Variants in LRP4 observed in about 807,000 individuals in gnomAD.
LRP4 encodes LDL receptor related protein 4, also known as low-density lipoprotein receptor-related protein 4.
Under a neutral mutation model 220.3 loss-of-function variants are expected in LRP4, and 95 were observed. The observed-to-expected ratio is 0.43, with a 90% confidence interval of 0.37 to 0.51. LRP4 has a LOEUF of 0.51. LRP4 is among the 20% of genes least tolerant of loss of function. The pLI is 0.00. For synonymous variants in LRP4, 903 were observed against 954.6 expected (o/e 0.95, Z 1.00); for missense variants, 1,925 against 2,567.0 (o/e 0.75, Z 5.40).
Position 46,862,108 on chromosome 11 carries a change from C to T in LRP4, c.5385+498G>A, listed in dbSNP as rs532300999. On this transcript the variant is annotated intron_variant, in intron 37 of 37. Transcript: ENST00000378623. ...AAAAAAAAAGCAAAAGCAGGTAAAC[C>T]TTCAGAATTCTAGAGAAATTTTTGT... Among the ~76,000 whole-genome samples the T allele has an allele frequency of 4.0e-5, 6 of 148,698 alleles. No homozygotes were observed. The South Asian group carries it at 1.3e-3, about 32-fold the overall frequency.
At chr11:46,888,781 C>T (rs1941356900) in intron 16 of LRP4, among the ~76,000 whole-genome samples, 1 of 152,120 alleles carries the variant, frequency 6.6e-6, no homozygotes, top group Non-Finnish European at 1.5e-5. Context: ...ACCCCAGGTG[C>T]CCTGCTGGTC....
intron 30 of LRP4, among the ~76,000 whole-genome samples, chr11:46,872,859 T>G (rs1009139984): frequency 2.0e-5 from 3 of 152,140 alleles, no homozygotes; most frequent in Non-Finnish European, 4.4e-5. Context: ...CCAGAAGACA[T>G]GCTCTGCCAA....
chr11:46,896,414 T>G, intron 8 of LRP4, 79 bp from the exon 9 acceptor site: 2 of 1,573,700 alleles, frequency 1.3e-6, no homozygotes, highest in South Asian at 2.2e-5. Flanking sequence ...TTTTCTAGGG[T>G]AAGCTGGAGA....
intron 1 of LRP4, among the ~76,000 whole-genome samples, chr11:46,909,253 G>C (rs1313315023): frequency 1.3e-5 from 2 of 151,992 alleles, no homozygotes; most frequent in Non-Finnish European, 1.5e-5. Context: ...GGAGTACCCT[G>C]TGAGTGTTCT....
intron 1 of LRP4, among the ~76,000 whole-genome samples, chr11:46,903,886 G>A (rs918449178): frequency 1.1e-4 from 16 of 152,162 alleles, no homozygotes; most frequent in African/African-American, 3.1e-4. Context: ...CCTCTCCCCC[G>A]GCTTCAGCAG....
chr11:46,896,390 A>T, intron 8 of LRP4, 55 bp from the exon 9 acceptor site: 1 of 1,602,372 alleles, frequency 6.2e-7, no homozygotes, highest in South Asian at 1.1e-5. Context: ...CAACAAAGAG[A>T]TGGGAGCCTG....
chr11:46,880,361 G>A (rs1330814914), intron 20 of LRP4, among the ~76,000 whole-genome samples: 1 of 150,994 alleles, frequency 6.6e-6, no homozygotes, highest in Non-Finnish European at 1.5e-5. Flanking sequence ...AACACTTTGG[G>A]AGGTCAAAGC....
rs935866452 is a variant in LRP4, at chr11:46,873,716, A to T, written c.4230-123T>A. 1.3e-5 allele frequency: 9 copies of T among 694,884 alleles called. No individual in the cohort carries two copies. Among genetic ancestry groups the T allele is most frequent in the Non-Finnish European group, 2.2e-5 (9 of 408,824 alleles). The allele number at this position is 694,884 out of a possible 1,614,324, so 43.0% of individuals were successfully genotyped here. A position where few individuals can be genotyped will look rare whatever the true frequency, so the allele number is the denominator to read the frequency against. ...AGCTCCACAGGGATAGAGACCAGGT[A>T]TCTATGAGTACATTCCTCAGCACCC... On this transcript the variant is annotated intron_variant, in intron 28 of 37. Transcript: ENST00000378623. This position sits in a 1 kb window ranked among gnomAD's most constrained non-coding sequence, Gnocchi z 4.2.
intron 36 of LRP4, 93 bp downstream of exon 36, chr11:46,864,355 G>T: frequency 1.0e-6 from 1 of 1,003,692 alleles, no homozygotes; most frequent in Non-Finnish European, 1.6e-6. Context: ...GCTGGTCAGA[G>T]CTTGATTCAG....
intron 1 of LRP4, among the ~76,000 whole-genome samples, chr11:46,905,562 C>T (rs1329119293): frequency 1.3e-5 from 2 of 152,152 alleles, no homozygotes; most frequent in Non-Finnish European, 2.9e-5. Flanking sequence ...GACTCTATAA[C>T]GTGTATAATT....
intron 31 of LRP4, 91 bp from the exon 32 acceptor site, chr11:46,869,223 G>C: frequency 8.0e-7 from 1 of 1,249,642 alleles, no homozygotes. Context: ...ATGTGCCACT[G>C]CCTCTGCTGA....
chr11:46,910,509 A>G lies in LRP4; in HGVS notation c.53-7580T>C, dbSNP rs114131674. Among the ~76,000 whole-genome samples the G allele has an allele frequency of 9.7e-3, 1,473 of 152,246 alleles. 24 individuals carry two copies. The highest frequency in any genetic ancestry group is 0.034 in the African/African-American group (1,414 of 41,554). Reference sequence around the variant, plus strand: ...CAGAACTGTCACATCCAACCACTCCATGATTAAGACCTGCTATTTTAGGAC... The same window carrying G: ...CAGAACTGTCACATCCAACCACTCCGTGATTAAGACCTGCTATTTTAGGAC... On this transcript the variant is annotated intron_variant, in intron 1 of 37. Transcript: ENST00000378623.
chr11:46,862,269 GA>G (rs1940577528), intron 37 of LRP4, among the ~76,000 whole-genome samples: 1 of 152,098 alleles, frequency 6.6e-6, no homozygotes, highest in Admixed American at 6.5e-5. Flanking sequence ...CCTTGTTTCA[GA>G]AGCACATAGC....
rs368783793 is a variant in LRP4 at position 46,901,777 on chromosome 11, A to G, written c.199+1006T>C. 2.6e-5 allele frequency among the ~76,000 whole-genome samples: 4 copies of G among 151,894 alleles called. No homozygotes were observed. The East Asian group carries it at 5.8e-4, about 22-fold the overall frequency. ...AGACGGAGTCTCGCTCTGTCGCCCA[A>G]TCTGGAGTGCAGTGGCGCGATCTCG... is the stretch of plus-strand genomic sequence containing the variant. On this transcript the variant is annotated intron_variant, in intron 2 of 37. Transcript: ENST00000378623.
intron 22 of LRP4, among the ~76,000 whole-genome samples, chr11:46,877,966 G>T (rs556716198): frequency 4.6e-5 from 7 of 152,270 alleles, no homozygotes; most frequent in African/African-American, 1.7e-4. Context: ...GAGAAAAAAA[G>T]AAAGGGAATA....
Position 46,900,356 on chromosome 11 carries a change from A to G in LRP4, c.222T>C (p.Leu74=), listed in dbSNP as rs1592547019. The G allele has an allele frequency of 3.1e-6, 5 of 1,613,274 alleles. No homozygotes were observed. The Middle Eastern group carries it at 6.6e-4, about 213-fold the overall frequency. Reference sequence around the variant, plus strand: ...ACTTGCCATTGTCACAGTGAAAGTCAAGAGGGGAACAGGTAGGTAGTACTG... The same window carrying G: ...ACTTGCCATTGTCACAGTGAAAGTCGAGAGGGGAACAGGTAGGTAGTACTG... The part of the protein sequence containing the change: ...DGCILPTCSP[L]DFHCDNGKCI... The change falls in exon 3 of 38, where the codon CTT becomes CTC. Residue 74 remains leucine (L), a synonymous_variant. Coordinates refer to ENST00000378623, the MANE Select transcript of LRP4 (RefSeq NM_002334.4).
At chr11:46,881,591 T>A in intron 20 of LRP4, 111 bp downstream of exon 20, 1 of 1,024,196 alleles carries the variant, frequency 9.8e-7, no homozygotes, top group East Asian at 2.4e-5. Flanking sequence ...AACCTCCAGA[T>A]CCCCTTATCT....
rs764258446 is a variant in LRP4, at chr11:46,890,517, G to T, written c.1698-23C>A. The T allele has an allele frequency of 4.5e-6, 7 of 1,561,768 alleles. No homozygotes were observed. Among genetic ancestry groups the T allele is most frequent in the South Asian group, 1.1e-5 (1 of 89,790 alleles). On this transcript the variant is annotated intron_variant, in intron 13 of 37. Coordinates refer to ENST00000378623, the MANE Select transcript of LRP4 (RefSeq NM_002334.4). The surrounding 1 kb of genome is among the most constrained non-coding windows in gnomAD (Gnocchi z 5.3). ...GTACTAGGAAGAGAAAAGTAAATTG[G>T]GAAGTGGGCAGCAGAAAACAGGTAG...
intron 8 of LRP4, 31 bp downstream of exon 8, chr11:46,896,838 A>G: frequency 6.2e-7 from 1 of 1,613,832 alleles, no homozygotes; most frequent in Non-Finnish European, 8.5e-7. Context: ...ACTATAGGCT[A>G]AGGGTTCTGG....
Sources: gnomAD v4.1 joint callset for allele counts (sites outside exome capture counted in the v4.1 genomes callset) on GRCh38, gnomAD v4.1.1 for gene constraint, Gnocchi (gnomAD v3.1) non-coding constraint, MANE v1.5 for transcripts, NCBI Gene and HGNC (gene_info 2026-07-23, HGNC 2026-07-21) for gene names.